The following EYS variants were observed in gnomAD, a reference collection of about 807,000 sequenced individuals.
The protein encoded by EYS is EGF-like photoreceptor maintenance factor.
EYS carries 250 observed loss-of-function variants against 282.1 expected under a neutral mutation model. That is an observed-to-expected ratio of 0.89 (90% CI 0.80 to 0.98). The LOEUF is 0.98. EYS is among the 50% of genes least tolerant of loss of function. EYS has a pLI of 0.00. For missense variants in EYS, 4,016 were observed against 3,709.0 expected (o/e 1.08, Z -2.15); for synonymous variants, 1,355 against 1,282.9 (o/e 1.06, Z -1.20).
chr6:64,125,240 A>T (rs1258004018), intron 31 of EYS, among the ~76,000 whole-genome samples: 1 of 151,914 alleles, frequency 6.6e-6, no homozygotes. Flanking sequence ...CTTTCTGGGG[A>T]TAAGGCAGGC....
At chr6:65,266,887 C>CATATATATAT (rs10571039) in intron 12 of EYS, among the ~76,000 whole-genome samples, 8 of 139,584 alleles carry the variant, frequency 5.7e-5, no homozygotes, top group African/African-American at 2.1e-4. Flanking sequence ...AATGTGTGTG[C>CATATATATAT]ATATATATAT....
At chr6:65,562,141 G>C (rs1310854992) in intron 2 of EYS, among the ~76,000 whole-genome samples, 2 of 151,850 alleles carry the variant, frequency 1.3e-5, no homozygotes, top group Admixed American at 1.3e-4. Context: ...CCTACTATCT[G>C]ACTACTATAT....
intron 36 of EYS, among the ~76,000 whole-genome samples, chr6:63,815,674 C>A (rs1390227397): frequency 2.0e-5 from 3 of 152,044 alleles, no homozygotes; most frequent in Admixed American, 6.5e-5. Flanking sequence ...AATTTATCAG[C>A]AAATAAGTTT....
intron 12 of EYS, among the ~76,000 whole-genome samples, chr6:65,120,804 C>G (rs974571996): frequency 3.3e-5 from 5 of 152,142 alleles, no homozygotes; most frequent in African/African-American, 1.2e-4. Context: ...ATGATATAAA[C>G]ATCTATATAG....
At chr6:64,563,899 T>A (rs897157822) in intron 26 of EYS, among the ~76,000 whole-genome samples, 3 of 152,020 alleles carry the variant, frequency 2.0e-5, no homozygotes, top group Non-Finnish European at 4.4e-5. Context: ...CCAGTTTTTA[T>A]TTTTAAAATT....
In EYS at chr6:63,735,551, A is replaced by G. The variant is rs1375039693; in HGVS notation, c.8072-8871T>C. Reference sequence around the variant, plus strand: ...TATTAGACCTTTTTCCCAACCTATAAAAACAAGCTAAAGATGCAGTGTCCT... The same window carrying G: ...TATTAGACCTTTTTCCCAACCTATAGAAACAAGCTAAAGATGCAGTGTCCT... On this transcript the variant is annotated intron_variant, in intron 41 of 42. Transcript: ENST00000503581. Among the ~76,000 whole-genome samples the G allele has an allele frequency of 2.6e-5, 4 of 151,872 alleles. No individual in the cohort carries two copies. In the East Asian group the frequency reaches 7.7e-4, roughly 29 times the overall value.
At chr6:64,460,818 A>G (rs1214875892) in intron 26 of EYS, among the ~76,000 whole-genome samples, 2 of 152,138 alleles carry the variant, frequency 1.3e-5, no homozygotes, top group Admixed American at 1.3e-4. Flanking sequence ...ATTAGCTTTT[A>G]ATCAAATGTG....
At chr6:65,029,703 T>A (rs1036279375) in intron 13 of EYS, among the ~76,000 whole-genome samples, 2 of 152,070 alleles carry the variant, frequency 1.3e-5, no homozygotes, top group Admixed American at 6.6e-5. Context: ...GATGGCCTAC[T>A]AAATGCAGAT....
chr6:65,056,053 T>A (rs1773403332), intron 13 of EYS, among the ~76,000 whole-genome samples: 1 of 152,074 alleles, frequency 6.6e-6, no homozygotes, highest in Non-Finnish European at 1.5e-5. Flanking sequence ...AAGATGCATC[T>A]ATTACTTCTC....
intron 12 of EYS, among the ~76,000 whole-genome samples, chr6:65,071,633 G>A (rs1189819696): frequency 6.6e-6 from 1 of 151,762 alleles, no homozygotes; most frequent in Non-Finnish European, 1.5e-5. Flanking sequence ...CAAGAACAAT[G>A]TGTCACATAC....
chr6:65,274,798 G>A (rs905000908), intron 12 of EYS, among the ~76,000 whole-genome samples: 3 of 151,942 alleles, frequency 2.0e-5, no homozygotes, highest in African/African-American at 7.3e-5. Flanking sequence ...AGAAAATCAG[G>A]GGACTTCTAA....
At chr6:63,965,451 G>C (rs899790017) in intron 35 of EYS, among the ~76,000 whole-genome samples, 4 of 152,134 alleles carry the variant, frequency 2.6e-5, no homozygotes, top group Non-Finnish European at 5.9e-5. Flanking sequence ...TTTTAACAGA[G>C]GATTTCACCA....
At chr6:64,349,724 C>G (rs1479520384) in intron 29 of EYS, among the ~76,000 whole-genome samples, 7 of 151,386 alleles carry the variant, frequency 4.6e-5, no homozygotes, top group Non-Finnish European at 8.9e-5. Context: ...AAAACTTAAA[C>G]TGTCTGCAAT....
chr6:65,514,021 T>G (rs1413140973), intron 2 of EYS, among the ~76,000 whole-genome samples: 2 of 152,266 alleles, frequency 1.3e-5, no homozygotes, highest in East Asian at 1.9e-4. Flanking sequence ...GCAGATGACA[T>G]GATTGTATAT....
At chr6:64,923,148 G>A (rs543520058) in intron 15 of EYS, among the ~76,000 whole-genome samples, 13 of 151,478 alleles carry the variant, frequency 8.6e-5, no homozygotes, top group African/African-American at 2.7e-4. Context: ...TACTAGACAC[G>A]GGGGAAAAAA....
intron 24 of EYS, among the ~76,000 whole-genome samples, chr6:64,599,680 C>T (rs1307110329): frequency 6.6e-6 from 1 of 152,008 alleles, no homozygotes; most frequent in Non-Finnish European, 1.5e-5. Flanking sequence ...TAAAGAAAAG[C>T]AGTGTTATCC....
chr6:65,057,064 A>G (rs1403607235), intron 13 of EYS, among the ~76,000 whole-genome samples: 1 of 151,990 alleles, frequency 6.6e-6, no homozygotes, highest in Non-Finnish European at 1.5e-5. Context: ...AGAAAGAGAT[A>G]CTAAAGTTCA....
intron 15 of EYS, among the ~76,000 whole-genome samples, chr6:64,922,513 A>G (rs1051739818): frequency 7.9e-5 from 12 of 152,220 alleles, no homozygotes; most frequent in Admixed American, 2.0e-4. Flanking sequence ...ACAAGTATAA[A>G]TATTACTATA....
intron 12 of EYS, among the ~76,000 whole-genome samples, chr6:65,134,838 C>T (rs1355558161): frequency 6.6e-6 from 1 of 151,964 alleles, no homozygotes; most frequent in East Asian, 1.9e-4. Context: ...GTACCCCATA[C>T]ATATCATAAT....
Sources: allele counts gnomAD v4.1 joint callset (sites outside exome capture counted in the v4.1 genomes callset), GRCh38; gene constraint gnomAD v4.1.1; transcripts MANE v1.5; gene names NCBI Gene and HGNC (gene_info 2026-07-23, HGNC 2026-07-21).